ORC1: variants seen among roughly 807,000 people sequenced by gnomAD.
ORC1 encodes the protein origin recognition complex, subunit 1 homolog.
Under a neutral mutation model 98.9 loss-of-function variants are expected in ORC1, and 61 were observed. The observed-to-expected ratio is 0.62, with a 90% CI of 0.50 to 0.76. The LOEUF (loss-of-function observed/expected upper bound fraction) is 0.76, where lower values mean the gene tolerates loss of function less well. Among genes scored for constraint, ORC1 ranks in the 30% least tolerant of loss-of-function variants. ORC1 has a pLI of 0.00. For synonymous variants in ORC1, 385 were observed against 406.9 expected (o/e 0.95, Z 0.65); for missense variants, 979 against 1,072.2 (o/e 0.91, Z 1.21).
Position 52,373,263 on chromosome 1 carries a change from T to C in ORC1, c.2504A>G (p.Glu835Gly), listed in dbSNP as rs1484962391. The change falls in exon 17 of 17, where the codon GAG becomes GGG. Residue 835 changes from glutamate (E) to glycine (G), a missense_variant. Physicochemically the swap from Glu to Gly is moderately conservative, Grantham distance 98 (BLOSUM62 -2). Transcript: ENST00000371568. ...HLGSCRLLLVEPSRNDLLLRV... is the reference protein window; with the variant it reads ...HLGSCRLLLVGPSRNDLLLRV... ...AAGGAGCAGATCGTTCCTGCTGGGC[T>C]CCACAAGCAGGAGGCGACAGGAGCC... 6.2e-7 allele frequency: 1 copy of C among 1,614,126 alleles called. No homozygotes were observed. Among genetic ancestry groups the C allele is most frequent in the African/African-American group, 1.3e-5 (1 of 75,044 alleles).
Position 52,397,777 on chromosome 1 carries a change from C to G in ORC1, c.310G>C (p.Gly104Arg). The G allele has an allele frequency of 6.2e-7, 1 of 1,614,138 alleles. No individual in the cohort carries two copies. Among genetic ancestry groups the G allele is most frequent in the Non-Finnish European group, 8.5e-7 (1 of 1,180,012 alleles). Residue 104 changes from glycine to arginine, a missense_variant, in exon 4 of 17, where the codon GGC becomes CGC. Physicochemically the swap from Gly to Arg is moderately radical, Grantham distance 125. Coordinates refer to ENST00000371568, the MANE Select transcript of ORC1 (RefSeq NM_004153.4). ...ATTTCCTGTGCACCAGGCTTCCGGC[C>G]CAACAAATGCCGTTTACAGGCAGGG... ...EVPACKRHLL[G>R]RKPGAQEIFW... is the part of the protein sequence containing the mutation.
chr1:52,375,341 A>C (rs1646980196), intron 15 of ORC1, 89 bp downstream of exon 15: 1 of 1,126,722 alleles, frequency 8.9e-7, no homozygotes, highest in Middle Eastern at 2.0e-4. Context: ...CTGTGTTATT[A>C]ATAAGTGCAG....
Position 52,396,200 on chromosome 1 carries a change from G to A in ORC1, c.567C>T (p.Pro189=), listed in dbSNP as rs754413191. Residue 189 remains proline (P), a synonymous_variant, in exon 5 of 17, where the codon CCC becomes CCT. Transcript: ENST00000371568. Reference sequence around the variant, plus strand: ...CTGCACTCTTACTCTTGGCTCTCACGGGTTTCTGGCACTTGGCTGCACTCT... The same window carrying A: ...CTGCACTCTTACTCTTGGCTCTCACAGGTTTCTGGCACTTGGCTGCACTCT... ...PQESAAKCQK[P]VRAKSKSAES... 18 of 1,614,004 alleles carry A rather than the reference G, an allele frequency of 1.1e-5. No individual in the cohort carries two copies. In the Middle Eastern group the frequency reaches 4.9e-4, roughly 44 times the overall value.
At chr1:52,383,200 A>C (rs900880582) in intron 13 of ORC1, among the ~76,000 whole-genome samples, 1 of 151,446 alleles carries the variant, frequency 6.6e-6, no homozygotes, top group African/African-American at 2.4e-5. Context: ...TCCTAAGTAA[A>C]AATTAGCCTG....
chr1:52,376,269 C>A (rs1646993801), intron 14 of ORC1, among the ~76,000 whole-genome samples: 1 of 152,132 alleles, frequency 6.6e-6, no homozygotes, highest in Non-Finnish European at 1.5e-5. Flanking sequence ...AATCCTAGCA[C>A]TTTGGGAGGC....
In ORC1 at chr1:52,388,531, GA is replaced by G; in HGVS notation, c.1293del (p.Pro432GlnfsTer16). 1 of 1,614,168 alleles carries G rather than the reference GA, an allele frequency of 6.2e-7. No homozygotes were observed. Among genetic ancestry groups the G allele is most frequent in the Non-Finnish European group, 8.5e-7 (1 of 1,180,006 alleles). ...GACACAGTTCTGGGTGCTCTCCTTG[GA>G]AGGGGCGGTGTGGAAGCCTCTTCTT... ...SDEEEASTPP[L>X]PRRAPRTVSR... is the part of the protein sequence containing the mutation. On this transcript the variant is annotated frameshift_variant, in exon 8 of 17. Transcript: ENST00000371568. LOFTEE classifies it high-confidence loss of function.
intron 7 of ORC1, 29 bp from the exon 8 acceptor site, chr1:52,388,666 C>T (rs763162192): frequency 7.6e-6 from 12 of 1,578,956 alleles, no homozygotes; most frequent in African/African-American, 4.0e-5. Context: ...TTTTTTGATA[C>T]TCAGTGTTCA....
intron 6 of ORC1, among the ~76,000 whole-genome samples, chr1:52,390,486 G>C (rs2147933029): frequency 6.6e-6 from 1 of 152,304 alleles, no homozygotes; most frequent in Non-Finnish European, 1.5e-5. Context: ...GGAATAATTG[G>C]CAAGCCACAT....
chr1:52,398,874 C>A (rs1051490675), intron 3 of ORC1, among the ~76,000 whole-genome samples: 1 of 152,176 alleles, frequency 6.6e-6, no homozygotes, highest in Non-Finnish European at 1.5e-5. Context: ...CATGAGCCAC[C>A]ACACCTGGCC....
At chr1:52,385,079 A>G (rs1386706447) in intron 10 of ORC1, 82 bp downstream of exon 10, 3 of 898,178 alleles carry the variant, frequency 3.3e-6, no homozygotes, top group Non-Finnish European at 3.8e-6. Context: ...GAAAGCCTGT[A>G]TGGCTGAACT....
At chr1:52,385,283 G>T (rs747175192) in intron 9 of ORC1, 21 bp from the exon 10 acceptor site, 4 of 1,493,278 alleles carry the variant, frequency 2.7e-6, no homozygotes, top group Non-Finnish European at 3.7e-6. Context: ...TGGTAAACGG[G>T]AGAAAAGGAA....
intron 14 of ORC1, 123 bp downstream of exon 14, chr1:52,381,519 T>C (rs1647069461): frequency 4.9e-6 from 5 of 1,030,390 alleles, no homozygotes; most frequent in Non-Finnish European, 7.2e-6. Flanking sequence ...TTGTCTTTTT[T>C]GATATTTTTA....
At chr1:52,391,036 C>T (rs749894838) in intron 6 of ORC1, among the ~76,000 whole-genome samples, 7 of 151,788 alleles carry the variant, frequency 4.6e-5, no homozygotes, top group East Asian at 1.9e-4. Context: ...AACGGGCAGG[C>T]GCAGTGGCTC....
chr1:52,399,264 G>A (rs568125920), intron 3 of ORC1, among the ~76,000 whole-genome samples: 83 of 152,286 alleles, frequency 5.5e-4, no homozygotes, highest in African/African-American at 1.3e-3. Context: ...CAAGGCAGGC[G>A]GATCACTTGA....
chr1:52,401,025 C>T (rs559530597), intron 3 of ORC1, among the ~76,000 whole-genome samples: 2 of 152,294 alleles, frequency 1.3e-5, no homozygotes, highest in African/African-American at 2.4e-5. Flanking sequence ...CTAAAGGACA[C>T]ATCTCTATGA....
upstream of ORC1, chr1:52,404,622 T>G (rs554329042): frequency 2.3e-4 from 240 of 1,045,246 alleles, 5 homozygotes; most frequent in South Asian, 3.7e-3. Context: ...GTTTCCGGCT[T>G]CAAGATGGTC....
chr1:52,388,622 A>G lies in ORC1; in HGVS notation c.1203T>C (p.Ser401=). The change falls in exon 8 of 17, where the codon AGT becomes AGC. Residue 401 remains serine, a synonymous_variant. Coordinates refer to ENST00000371568, the MANE Select transcript of ORC1 (RefSeq NM_004153.4). ...IRQQLRFLGN[S]KSDQEEKEIL... ...TCTCTTTCTCTTCTTGGTCACTTTT[A>G]CTATTACCTAGAAACCTGAATGGTA... 6.2e-7 allele frequency: 1 copy of G among 1,613,798 alleles called. No homozygotes were observed. Among genetic ancestry groups the G allele is most frequent in the Non-Finnish European group, 8.5e-7 (1 of 1,179,920 alleles).
intron 5 of ORC1, among the ~76,000 whole-genome samples, chr1:52,394,298 T>G (rs564468038): frequency 6.6e-6 from 1 of 152,316 alleles, no homozygotes; most frequent in East Asian, 1.9e-4. Context: ...CTGTCTGGAA[T>G]TGCTCCCTCA....
chr1:52,383,981 A>G, intron 11 of ORC1, 44 bp from the exon 12 acceptor site: 2 of 1,522,364 alleles, frequency 1.3e-6, no homozygotes, highest in Non-Finnish European at 1.8e-6. Flanking sequence ...TAAGGGTCTT[A>G]CTCCCTTGGG....
Sources: gnomAD v4.1 joint callset for allele counts (sites outside exome capture counted in the v4.1 genomes callset) on GRCh38, gnomAD v4.1.1 for gene constraint, MANE v1.5 for transcripts, NCBI Gene and HGNC (gene_info 2026-07-23, HGNC 2026-07-21) for gene names.